Variants in HEATR5B observed in about 807,000 individuals in gnomAD.
HEATR5B encodes HEAT repeat-containing protein 5B.
In HEATR5B, 156 loss-of-function variants were observed where a neutral mutation model predicts 224.1. The ratio of observed to expected loss-of-function variants is 0.70; its 90% confidence interval spans 0.61 to 0.80. HEATR5B has a LOEUF of 0.80. Ranked by LOEUF, HEATR5B falls within the 30% of genes least tolerant of loss-of-function variation. The pLI is 0.00. For missense variants in HEATR5B, 2,323 were observed against 2,535.5 expected (o/e 0.92, Z 1.80); for synonymous variants, 1,027 against 893.0 (o/e 1.15, Z -2.68).
intron 33 of HEATR5B, among the ~76,000 whole-genome samples, chr2:36,995,972 G>A (rs1276180380): frequency 1.3e-5 from 2 of 151,586 alleles, no homozygotes; most frequent in Non-Finnish European, 2.9e-5. Context: ...TGCAGCCTCT[G>A]CCTCCTGGGC....
chr2:37,029,485 G>A (rs555877104), intron 22 of HEATR5B, among the ~76,000 whole-genome samples: 65 of 152,132 alleles, frequency 4.3e-4, no homozygotes, highest in South Asian at 1.2e-3. Flanking sequence ...CCAACATGGC[G>A]AAACCCCGTC....
intron 29 of HEATR5B, among the ~76,000 whole-genome samples, chr2:37,006,408 G>A (rs570957212): frequency 5.3e-5 from 8 of 152,296 alleles, no homozygotes; most frequent in African/African-American, 1.7e-4. Context: ...GCACCCAGCC[G>A]AGGTGGGTGG....
chr2:36,992,918 G>A (rs1231894227), intron 33 of HEATR5B, among the ~76,000 whole-genome samples: 2 of 151,950 alleles, frequency 1.3e-5, no homozygotes, highest in South Asian at 4.2e-4. Flanking sequence ...TAGAGACAGC[G>A]TCTTACCATA....
At position 37,024,392 on chromosome 2, in the gene HEATR5B, T is replaced by C. The variant is rs574152190; in HGVS notation, c.3853+3531A>G. Among the ~76,000 whole-genome samples the C allele has an allele frequency of 1.4e-4, 22 of 152,348 alleles. No homozygotes were observed. The South Asian group carries it at 4.6e-3, about 32-fold the overall frequency. On this transcript the variant is annotated intron_variant, in intron 24 of 35. Coordinates refer to ENST00000233099, the MANE Select transcript of HEATR5B (RefSeq NM_019024.3). ...AAATGCAAAGATGGTGGATGTTAAG[T>C]GGTCTCACACAAAAATGATAACTAG...
At chr2:37,054,476 C>G (rs1670768907) in intron 16 of HEATR5B, among the ~76,000 whole-genome samples, 1 of 102,738 alleles carries the variant, frequency 9.7e-6, no homozygotes, top group African/African-American at 4.1e-5. Context: ...CCACTGTGCT[C>G]TGCATTTTTT....
At chr2:36,995,277 G>C (rs1309290981) in intron 33 of HEATR5B, among the ~76,000 whole-genome samples, 1 of 151,882 alleles carries the variant, frequency 6.6e-6, no homozygotes, top group East Asian at 1.9e-4. Flanking sequence ...TTTTAGTAGA[G>C]ACGGGTTTTC....
At chr2:37,055,568 C>A (rs771211175) in intron 16 of HEATR5B, among the ~76,000 whole-genome samples, 2 of 152,122 alleles carry the variant, frequency 1.3e-5, no homozygotes, top group Non-Finnish European at 2.9e-5. Flanking sequence ...CATATTTAAA[C>A]TTTTTTCTCC....
rs3836070 is a variant in HEATR5B, at chr2:36,982,863, T to TACACACACACACACACAC, written c.5912-1087_5912-1070dup. Among the ~76,000 whole-genome samples the TACACACACACACACACAC allele has an allele frequency of 8.1e-3, 1,023 of 126,050 alleles. 34 individuals are homozygous for TACACACACACACACACAC. The highest frequency in any genetic ancestry group is 0.012 in the Non-Finnish European group (713 of 58,566). 82.7% of individuals were successfully genotyped at this position (126,050 alleles called of 152,430 possible). A position where few individuals can be genotyped will look rare whatever the true frequency, so the allele number is the denominator to read the frequency against. ...CATGTCTACATATAACAGACACAGATACACACACACACACACACACACACA... is the reference window on the plus strand; with the variant it reads ...CATGTCTACATATAACAGACACAGATACACACACACACACACACACACACACACACACACACACACACA... On this transcript the variant is annotated intron_variant, in intron 35 of 35. Coordinates refer to ENST00000233099, the MANE Select transcript of HEATR5B (RefSeq NM_019024.3).
chr2:37,045,596 G>A (rs1670141153), intron 18 of HEATR5B, among the ~76,000 whole-genome samples: 1 of 152,128 alleles, frequency 6.6e-6, no homozygotes, highest in Non-Finnish European at 1.5e-5. Flanking sequence ...CCCCAGTCTT[G>A]GGTAGTTTCC....
At chr2:36,992,612 C>CA (rs969586062) in intron 33 of HEATR5B, among the ~76,000 whole-genome samples, 8 of 152,086 alleles carry the variant, frequency 5.3e-5, no homozygotes, top group Admixed American at 1.3e-4. Flanking sequence ...AAACCTAAAA[C>CA]AAAAAAACCC....
chr2:37,038,916 T>G (rs2372915), intron 20 of HEATR5B, among the ~76,000 whole-genome samples: 35,961 of 93,214 alleles, frequency 0.39, 7,006 homozygotes, highest in African/African-American at 0.52. Context: ...GTGGGGGGGG[T>G]GGGGAATCAC....
At chr2:37,077,619 C>T (rs894908693) in intron 3 of HEATR5B, among the ~76,000 whole-genome samples, 6 of 152,226 alleles carry the variant, frequency 3.9e-5, no homozygotes, top group African/African-American at 1.4e-4. Flanking sequence ...CTAAGCTTTG[C>T]TTCTATGAAG....
intron 24 of HEATR5B, among the ~76,000 whole-genome samples, chr2:37,023,278 A>G (rs1668576106): frequency 3.3e-5 from 5 of 152,232 alleles, no homozygotes; most frequent in Admixed American, 3.3e-4. Context: ...CTCAAGGTCT[A>G]TGAAGTTCTT....
rs567620332 is a variant in HEATR5B, at chr2:36,988,355, C to T, written c.5911+291G>A. ...TCGGCTCACTGCAACCTCCAACTCC[C>T]GGGTCCAAGTGATTCTCCTGCTTCA... On this transcript the variant is annotated intron_variant, in intron 35 of 35. Transcript: ENST00000233099. 8.6e-5 allele frequency among the ~76,000 whole-genome samples: 13 copies of T among 152,024 alleles called. No individual in the cohort carries two copies. In the South Asian group the frequency reaches 1.7e-3, roughly 19 times the overall value.
intron 21 of HEATR5B, among the ~76,000 whole-genome samples, chr2:37,037,145 G>GATACATATATATATATATATATATATAT (rs1669536224): frequency 1.1e-5 from 1 of 89,140 alleles, no homozygotes; most frequent in Non-Finnish European, 2.5e-5. Context: ...CTAAAAATGT[G>GATACATATATATATATATATATATATAT]ATATATATAT....
chr2:37,080,351 T>C (rs1672478641), intron 2 of HEATR5B, among the ~76,000 whole-genome samples: 1 of 152,222 alleles, frequency 6.6e-6, no homozygotes, highest in Non-Finnish European at 1.5e-5. Context: ...CTAAGAATAC[T>C]CTATATGGTC....
At chr2:37,083,900 C>A (rs1672795106) in intron 1 of HEATR5B, among the ~76,000 whole-genome samples, 1 of 152,224 alleles carries the variant, frequency 6.6e-6, no homozygotes, top group Non-Finnish European at 1.5e-5. Context: ...CACAGACATC[C>A]CGAACTGCAG....
rs13413415 is a variant in HEATR5B, at chr2:37,015,741, T to C, written c.4105-1721A>G. Among the ~76,000 whole-genome samples the C allele has an allele frequency of 2.6e-3, 401 of 152,328 alleles. 3 individuals carry two copies. The highest frequency in any genetic ancestry group is 3.6e-3 in the Non-Finnish European group (245 of 68,020). On this transcript the variant is annotated intron_variant, in intron 26 of 35. Transcript: ENST00000233099. ...TTACATGCTGCATTCAAAGTGCCAC[T>C]AAGAGACTTGTGGAAAGATATTCAG...
Position 37,008,696 on chromosome 2 carries a change from T to C in HEATR5B, c.4437A>G (p.Thr1479=), listed in dbSNP as rs777175902. 1.9e-6 allele frequency: 3 copies of C among 1,613,950 alleles called. No individual in the cohort carries two copies. Among genetic ancestry groups the C allele is most frequent in the Non-Finnish European group, 2.5e-6 (3 of 1,179,970 alleles). ...ATGCTGCTAACCACAGGCGACTGAG[T>C]GTTGGTAGTTCAGGTTGTACCAGTG... ...LITLVQPELP[T]LSRLWLAALK... The change falls in exon 28 of 36, where the codon ACA becomes ACG. Residue 1479 remains threonine, a synonymous_variant. Coordinates refer to ENST00000233099, the MANE Select transcript of HEATR5B (RefSeq NM_019024.3).
Sources: gnomAD v4.1 joint callset for allele counts (sites outside exome capture counted in the v4.1 genomes callset) on GRCh38, gnomAD v4.1.1 for gene constraint, MANE v1.5 for transcripts, NCBI Gene and HGNC (gene_info 2026-07-23, HGNC 2026-07-21) for gene names.